Variants in HSPA4 observed in about 807,000 individuals in gnomAD.
HSPA4 encodes heat shock 70 kDa protein 4.
A neutral mutation model predicts 106.2 loss-of-function variants in HSPA4; 25 were observed. That is an observed-to-expected ratio of 0.24 (90% CI 0.17 to 0.33). HSPA4 has a LOEUF of 0.33. HSPA4 is among the 10% of genes least tolerant of loss of function. The pLI is 1.00. For missense variants in HSPA4, 841 were observed against 996.0 expected (o/e 0.84, Z 2.10); for synonymous variants, 332 against 333.6 (o/e 1.00, Z 0.05).
At chr5:133,077,271 C>A (rs947286170) in intron 7 of HSPA4, among the ~76,000 whole-genome samples, 1 of 151,864 alleles carries the variant, frequency 6.6e-6, no homozygotes, top group Non-Finnish European at 1.5e-5. Context: ...GAGGTTTTTG[C>A]TGTTTTGCCC....
chr5:133,065,787 C>T (rs148868252), intron 2 of HSPA4, among the ~76,000 whole-genome samples: 61 of 152,220 alleles, frequency 4.0e-4, no homozygotes, highest in African/African-American at 1.4e-3. Context: ...AGGAACCTGA[C>T]GTAGTTGCTG....
chr5:133,054,983 A>G (rs1252767612), intron 1 of HSPA4, among the ~76,000 whole-genome samples: 2 of 152,210 alleles, frequency 1.3e-5, no homozygotes, highest in Admixed American at 6.6e-5. Flanking sequence ...GATTATTATC[A>G]CATGCTCCTG....
intron 12 of HSPA4, 66 bp from the exon 13 acceptor site, chr5:133,092,634 T>C: frequency 9.8e-7 from 1 of 1,024,876 alleles, no homozygotes; most frequent in Non-Finnish European, 1.5e-6. Context: ...TATGTGACTT[T>C]GTCAATGTGT....
intron 11 of HSPA4, 71 bp from the exon 12 acceptor site, chr5:133,091,122 T>C (rs1436910464): frequency 3.3e-6 from 4 of 1,219,738 alleles, no homozygotes; most frequent in African/African-American, 1.5e-5. Flanking sequence ...AATCTAGCAA[T>C]GTAGGCATAT....
At chr5:133,073,163 G>T (rs1299034265) in intron 4 of HSPA4, 67 bp from the exon 5 acceptor site, 3 of 926,150 alleles carry the variant, frequency 3.2e-6, no homozygotes, top group Non-Finnish European at 5.0e-6. Flanking sequence ...ATTTGATGGT[G>T]TTCCTGGATT....
chr5:133,064,892 T>G, intron 1 of HSPA4, 88 bp from the exon 2 acceptor site: 1 of 1,093,410 alleles, frequency 9.1e-7, no homozygotes, highest in Non-Finnish European at 1.4e-6. Context: ...ATATGGCATT[T>G]TAGCTGATAC....
chr5:133,071,406 C>A (rs1765379526), intron 4 of HSPA4, among the ~76,000 whole-genome samples: 2 of 152,064 alleles, frequency 1.3e-5, no homozygotes, highest in Non-Finnish European at 2.9e-5. Flanking sequence ...TGTGATCACA[C>A]CACTGCATTC....
intron 7 of HSPA4, among the ~76,000 whole-genome samples, chr5:133,086,501 T>C (rs1444399213): frequency 1.3e-5 from 2 of 152,268 alleles, no homozygotes; most frequent in African/African-American, 4.8e-5. Flanking sequence ...ATACCAGTTT[T>C]GTGTGTGAAC....
At chr5:133,090,108 T>C (rs1765627202) in intron 11 of HSPA4, among the ~76,000 whole-genome samples, 1 of 152,082 alleles carries the variant, frequency 6.6e-6, no homozygotes. Context: ...TTAACGAAAT[T>C]CAGTTTGGAC....
chr5:133,082,760 C>T (rs887343044), intron 7 of HSPA4, among the ~76,000 whole-genome samples: 1 of 152,050 alleles, frequency 6.6e-6, no homozygotes, highest in Non-Finnish European at 1.5e-5. Context: ...CTCACCCGGA[C>T]GGGAATTATA....
chr5:133,081,338 C>G (rs1765513112), intron 7 of HSPA4, among the ~76,000 whole-genome samples: 1 of 152,104 alleles, frequency 6.6e-6, no homozygotes, highest in Admixed American at 6.6e-5. Flanking sequence ...GTGAGTCCCT[C>G]TTTTGTTTTT....
At chr5:133,064,659 G>A (rs1765286124) in intron 1 of HSPA4, among the ~76,000 whole-genome samples, 1 of 151,946 alleles carries the variant, frequency 6.6e-6, no homozygotes, top group Non-Finnish European at 1.5e-5. Context: ...TGATGTGAGG[G>A]TACATTATTT....
At chr5:133,072,399 T>G (rs891909631) in intron 4 of HSPA4, among the ~76,000 whole-genome samples, 30 of 137,076 alleles carry the variant, frequency 2.2e-4, no homozygotes, top group African/African-American at 7.7e-4. Flanking sequence ...GTTGTTTTTT[T>G]TTTTTTTTTT....
chr5:133,102,658 A>G (rs1360682496), intron 17 of HSPA4, among the ~76,000 whole-genome samples: 1 of 152,202 alleles, frequency 6.6e-6, no homozygotes, highest in African/African-American at 2.4e-5. Flanking sequence ...AAGTTCCTCC[A>G]TTATACCCCA....
intron 7 of HSPA4, among the ~76,000 whole-genome samples, chr5:133,080,669 CAT>C (rs201021965): frequency 1.3e-5 from 2 of 151,460 alleles, no homozygotes; most frequent in Non-Finnish European, 2.9e-5. Flanking sequence ...GCCTATCTTA[CAT>C]ATATATATAT....
chr5:133,104,245 A>C lies in HSPA4; in HGVS notation c.2332A>C (p.Thr778Pro). Residue 778 changes from threonine to proline, a missense_variant, in exon 19 of 19, where the codon ACT (threonine) becomes CCT (proline). Physicochemically the swap from Thr to Pro is conservative, Grantham distance 38. Coordinates refer to ENST00000304858, the MANE Select transcript of HSPA4 (RefSeq NM_002154.4). ...TTACCCATTCCAGGAGCTGACAAGT[A>C]CTTGTAGCCCTATAATTTCAAAGCC... Reference protein sequence around the residue: ...IEAKIKELTSTCSPIISKPKP... With the variant: ...IEAKIKELTSPCSPIISKPKP... 1 of 1,613,976 alleles carries C rather than the reference A, an allele frequency of 6.2e-7. No individual in the cohort carries two copies. Among genetic ancestry groups the C allele is most frequent in the Non-Finnish European group, 8.5e-7 (1 of 1,179,880 alleles).
chr5:133,096,159 AAGTGAAGACC>A lies in HSPA4; in HGVS notation c.1716_1725del (p.Lys573LeufsTer14). 1 of 1,614,102 alleles carries A rather than the reference AAGTGAAGACC, an allele frequency of 6.2e-7. No homozygotes were observed. The highest frequency in any genetic ancestry group is 8.5e-7 in the Non-Finnish European group (1 of 1,179,954). ...CAACCACCCCAAGCCAAGAAGGCAA[AAGTGAAGACC>A]AGTACTGTGGACCTGCCAATCGAGA... On this transcript the variant is annotated frameshift_variant, in exon 14 of 19. Coordinates refer to ENST00000304858, the MANE Select transcript of HSPA4 (RefSeq NM_002154.4). LOFTEE classifies it high-confidence loss of function.
At chr5:133,098,935 C>T (rs1765749543) in intron 15 of HSPA4, among the ~76,000 whole-genome samples, 1 of 152,120 alleles carries the variant, frequency 6.6e-6, no homozygotes, top group African/African-American at 2.4e-5. Flanking sequence ...TCCCAAAGTG[C>T]TGGGATTACA....
intron 7 of HSPA4, among the ~76,000 whole-genome samples, chr5:133,080,682 T>A (rs10452552): frequency 0.026 from 3,838 of 149,730 alleles, 116 homozygotes; most frequent in African/African-American, 0.07. Context: ...ATATATATAT[T>A]TTTTTTTAGT....
Sources: allele counts gnomAD v4.1 joint callset (sites outside exome capture counted in the v4.1 genomes callset), GRCh38; gene constraint gnomAD v4.1.1; transcripts MANE v1.5; gene names NCBI Gene and HGNC (gene_info 2026-07-23, HGNC 2026-07-21).